The following DIAPH2 variants were observed in gnomAD, a reference collection of about 807,000 sequenced individuals.
DIAPH2 encodes diaphanous related formin 2.
DIAPH2 carries 35 observed loss-of-function variants against 92.7 expected under a neutral mutation model. The ratio of observed to expected loss-of-function variants is 0.38; its 90% CI spans 0.29 to 0.50. The LOEUF (loss-of-function observed/expected upper bound fraction) is 0.50. Ranked by LOEUF, DIAPH2 falls within the 20% of genes least tolerant of loss-of-function variation. The pLI, the probability that DIAPH2 is intolerant of heterozygous loss-of-function variation, is 0.94. For missense variants in DIAPH2, 701 were observed against 819.5 expected (o/e 0.86, Z 1.77); for synonymous variants, 301 against 280.4 (o/e 1.07, Z -0.73).
intron 1 of DIAPH2, among the ~76,000 whole-genome samples, chrX:96,722,392 C>T (rs367987713): frequency 9.0e-6 from 1 of 110,589 alleles, no homozygotes. Context: ...TTCATTCATT[C>T]GTTCCCTCCT....
intron 4 of DIAPH2, among the ~76,000 whole-genome samples, chrX:96,836,984 C>T (rs1160782748): frequency 9.4e-6 from 1 of 106,576 alleles, no homozygotes; most frequent in Non-Finnish European, 1.9e-5. Context: ...GCCTCAGCCT[C>T]CCAAAGTGCT....
intron 22 of DIAPH2, among the ~76,000 whole-genome samples, chrX:97,231,009 T>C: frequency 8.9e-6 from 1 of 112,840 alleles, no homozygotes; most frequent in Middle Eastern, 4.6e-3. Context: ...ACCAGCTTTC[T>C]TTTTGCTGTT....
At chrX:96,796,478 C>T (rs1193297178) in intron 4 of DIAPH2, among the ~76,000 whole-genome samples, 2 of 112,245 alleles carry the variant, frequency 1.8e-5, no homozygotes, top group Non-Finnish European at 3.8e-5. Flanking sequence ...CCACGCTGGC[C>T]TCTTATTTGT....
intron 23 of DIAPH2, among the ~76,000 whole-genome samples, chrX:97,286,252 T>A (rs758287499): frequency 5.5e-5 from 6 of 108,132 alleles, no homozygotes; most frequent in East Asian, 5.9e-4. Context: ...GGTTTTACCA[T>A]GTTGGCCACG....
chrX:97,263,775 C>T lies in DIAPH2; in HGVS notation c.2844+15936C>T, dbSNP rs1015023543. On this transcript the variant is annotated intron_variant, in intron 23 of 26. Coordinates refer to ENST00000324765, the MANE Select transcript of DIAPH2 (RefSeq NM_006729.5). ...CTAATTTTTGTATTTTTAGTAGAGA[C>T]GGGGTTTCACCATGTTGGCCAGGCT... 1.1e-4 allele frequency among the ~76,000 whole-genome samples: 12 copies of T among 108,901 alleles called. No homozygotes were observed. The East Asian group carries it at 1.4e-3, about 13-fold the overall frequency. 94.6% of individuals were successfully genotyped at this position (108,901 alleles called of 115,157 possible).
intron 23 of DIAPH2, among the ~76,000 whole-genome samples, chrX:97,311,827 CT>C (rs1173086762): frequency 1.9e-5 from 2 of 106,327 alleles, no homozygotes; most frequent in African/African-American, 3.4e-5. Flanking sequence ...CCGTTATCAT[CT>C]TTTTTTTTTG....
At chrX:97,382,115 C>T (rs186864327) in intron 24 of DIAPH2, among the ~76,000 whole-genome samples, 18 of 111,781 alleles carry the variant, frequency 1.6e-4, no homozygotes, top group Non-Finnish European at 3.0e-4. Context: ...TGTTACTTAC[C>T]AAACATTATA....
chrX:97,029,499 G>C (rs1369454789), intron 17 of DIAPH2, among the ~76,000 whole-genome samples: 2 of 111,045 alleles, frequency 1.8e-5, no homozygotes, highest in African/African-American at 6.6e-5. Flanking sequence ...TTTCATGTTA[G>C]TGTCTTTTGA....
intron 24 of DIAPH2, among the ~76,000 whole-genome samples, chrX:97,382,720 G>A (rs969215367): frequency 1.8e-5 from 2 of 111,656 alleles, no homozygotes; most frequent in Non-Finnish European, 3.8e-5. Context: ...ACCAGTGAAG[G>A]TAAAATCATT....
At chrX:97,594,283 A>G (rs1469871378) in intron 26 of DIAPH2, among the ~76,000 whole-genome samples, 2 of 111,702 alleles carry the variant, frequency 1.8e-5, no homozygotes, top group Non-Finnish European at 3.8e-5. Flanking sequence ...GCTGTCCCCC[A>G]CAAAGAGATT....
At position 97,293,243 on chromosome X, in the gene DIAPH2, C is replaced by CTTTTTTT. The variant is rs1184478622; in HGVS notation, c.2844+45424_2844+45430dup. Reference sequence around the variant, plus strand: ...GGCCTGTCTTTGTTGATATTTCTTTCTTTTTTTTTTTTTTTTTTTTTTTTT... The same window carrying CTTTTTTT: ...GGCCTGTCTTTGTTGATATTTCTTTCTTTTTTTTTTTTTTTTTTTTTTTTTTTTTTTT... On this transcript the variant is annotated intron_variant, in intron 23 of 26. Coordinates refer to ENST00000324765, the MANE Select transcript of DIAPH2 (RefSeq NM_006729.5). Among the ~76,000 whole-genome samples, 4 of 63,216 alleles carry CTTTTTTT rather than the reference C, an allele frequency of 6.3e-5. 1 individual carries two copies. The highest frequency in any genetic ancestry group is 1.3e-4 in the African/African-American group (2 of 15,592). The allele number at this position is 63,216 out of a possible 115,157, so 54.9% of individuals were successfully genotyped here.
At chrX:97,414,306 G>C (rs939031642) in intron 25 of DIAPH2, among the ~76,000 whole-genome samples, 16 of 111,531 alleles carry the variant, frequency 1.4e-4, no homozygotes, top group Non-Finnish European at 2.6e-4. Flanking sequence ...AATGGGGAAA[G>C]GATTCCCTAT....
chrX:97,287,717 A>G (rs895161979), intron 23 of DIAPH2, among the ~76,000 whole-genome samples: 5 of 103,821 alleles, frequency 4.8e-5, no homozygotes, highest in African/African-American at 1.8e-4. Context: ...TTAAAAGTCA[A>G]TTATTTAAAA....
intron 22 of DIAPH2, among the ~76,000 whole-genome samples, chrX:97,202,661 A>C (rs1020880011): frequency 8.9e-5 from 10 of 111,949 alleles, no homozygotes; most frequent in African/African-American, 3.2e-4. Context: ...CACTCAATAC[A>C]GGAGCAACCG....
intron 26 of DIAPH2, among the ~76,000 whole-genome samples, chrX:97,573,516 T>C (rs1427040649): frequency 9.0e-6 from 1 of 111,116 alleles, no homozygotes; most frequent in East Asian, 2.8e-4. Flanking sequence ...TATGAGATGA[T>C]TAAACTCACT....
chrX:97,190,542 C>T (rs2067643969), intron 22 of DIAPH2, among the ~76,000 whole-genome samples: 1 of 111,881 alleles, frequency 8.9e-6, no homozygotes, highest in East Asian at 2.8e-4. Context: ...CATGTTGCTC[C>T]TTAGTTAGCA....
intron 3 of DIAPH2, among the ~76,000 whole-genome samples, chrX:96,750,247 C>A (rs377060271): frequency 9.1e-6 from 1 of 109,529 alleles, no homozygotes; most frequent in Non-Finnish European, 1.9e-5. Context: ...AGGCTGGTCT[C>A]GAACTCCTGA....
chrX:97,371,426 TTGACCAAGTTTC>T (rs1262750311), intron 24 of DIAPH2, among the ~76,000 whole-genome samples: 2 of 111,426 alleles, frequency 1.8e-5, no homozygotes, highest in East Asian at 5.6e-4. Context: ...AAGGAAGATA[TTGACCAAGTTTC>T]TATTTCACAG....
At chrX:96,751,222 AATTGT>A (rs937445302) in intron 3 of DIAPH2, among the ~76,000 whole-genome samples, 7 of 111,468 alleles carry the variant, frequency 6.3e-5, no homozygotes, top group African/African-American at 2.3e-4. Flanking sequence ...TATAATAGGA[AATTGT>A]ATCATGGCAT....
Sources: gnomAD v4.1 joint callset for allele counts (sites outside exome capture counted in the v4.1 genomes callset) on GRCh38, gnomAD v4.1.1 for gene constraint, MANE v1.5 for transcripts, NCBI Gene and HGNC (gene_info 2026-07-23, HGNC 2026-07-21) for gene names.